The following PRDM2 variants were observed in gnomAD, a reference collection of about 807,000 sequenced individuals.
PRDM2 encodes the protein PR domain zinc finger protein 2.
Under a neutral mutation model 130.0 loss-of-function variants are expected in PRDM2, and 30 were observed. That is an observed-to-expected ratio of 0.23 (90% CI 0.17 to 0.31). The LOEUF is 0.31. Ranked by LOEUF, PRDM2 falls within the 10% of genes least tolerant of loss-of-function variation. The probability of loss-of-function intolerance (pLI) is 1.00; values close to 1 mark genes in which losing one functional copy is unlikely to be tolerated. For missense variants in PRDM2, 2,011 were observed against 2,108.4 expected, an observed-to-expected ratio of 0.95 and a Z score of 0.90; for synonymous variants, 871 against 782.4, an observed-to-expected ratio of 1.11 and a Z score of -1.89.
intron 6 of PRDM2, among the ~76,000 whole-genome samples, chr1:13,752,587 G>T (rs186137476): frequency 6.6e-6 from 1 of 152,308 alleles, no homozygotes; most frequent in Admixed American, 6.5e-5. Flanking sequence ...ATGAGAAATT[G>T]AATTTGCTTG....
At chr1:13,788,798 A>G (rs1644792372) in intron 8 of PRDM2, among the ~76,000 whole-genome samples, 1 of 152,204 alleles carries the variant, frequency 6.6e-6, no homozygotes, top group Admixed American at 6.5e-5. Flanking sequence ...TTTCCATCCT[A>G]ACCCATCTGC....
intron 9 of PRDM2, among the ~76,000 whole-genome samples, chr1:13,820,366 G>A (rs958139986): frequency 9.9e-5 from 15 of 152,196 alleles, no homozygotes; most frequent in African/African-American, 3.4e-4. Flanking sequence ...ACCAGCCTCT[G>A]TGGCACCCTC....
chr1:13,709,087 T>C (rs1033183872), intron 1 of PRDM2, among the ~76,000 whole-genome samples: 1 of 152,186 alleles, frequency 6.6e-6, no homozygotes, highest in Non-Finnish European at 1.5e-5. Flanking sequence ...TCAATATCTG[T>C]GCTTTTGTTT....
rs572886786 is a variant in PRDM2 at position 13,812,936 on chromosome 1, G to A, written c.5037-3491G>A. Among the ~76,000 whole-genome samples the A allele has an allele frequency of 2.4e-4, 36 of 152,162 alleles. 1 individual carries two copies. Among genetic ancestry groups the A allele is most frequent in the Non-Finnish European group, 4.3e-4 (29 of 68,028 alleles). Reference sequence around the variant, plus strand: ...TTACAGAGGGGGAAACCGAGGCTCCGAGGCCGAGCGACAGGGAGTGGCTTA... The same window carrying A: ...TTACAGAGGGGGAAACCGAGGCTCCAAGGCCGAGCGACAGGGAGTGGCTTA... On this transcript the variant is annotated intron_variant, in intron 8 of 9. Transcript: ENST00000311066.
chr1:13,760,791 T>A lies in PRDM2; in HGVS notation c.511+11304T>A, dbSNP rs536766558. 2.6e-5 allele frequency among the ~76,000 whole-genome samples: 4 copies of A among 151,996 alleles called. No homozygotes were observed. In the East Asian group the frequency reaches 7.7e-4, roughly 29 times the overall value. On this transcript the variant is annotated intron_variant, in intron 6 of 9. Transcript: ENST00000311066. ...CAACCTTTGGTTCATCCCATTGTAATGGTGGGCACCAGCAAAATACATTCT... is the reference window on the plus strand; with the variant it reads ...CAACCTTTGGTTCATCCCATTGTAAAGGTGGGCACCAGCAAAATACATTCT...
At chr1:13,769,578 G>T (rs184873262) in intron 6 of PRDM2, among the ~76,000 whole-genome samples, 9 of 152,286 alleles carry the variant, frequency 5.9e-5, no homozygotes, top group South Asian at 2.1e-4. Flanking sequence ...ACGATGAGAC[G>T]TAACTTAACT....
chr1:13,747,290 A>G (rs1292989549), intron 5 of PRDM2, among the ~76,000 whole-genome samples: 1 of 152,242 alleles, frequency 6.6e-6, no homozygotes, highest in African/African-American at 2.4e-5. Flanking sequence ...GTCATTTCAA[A>G]TATTAGTTGA....
chr1:13,780,669 C>A lies in PRDM2; in HGVS notation c.2874C>A (p.Ser958=). ...CCCTGCAGACACCCTCCCTTTCATC[C>A]GGTCAGCTGCCTCCTCTCTTGATCC... ...SPALQTPSLS[S]GQLPPLLIPT... The change falls in exon 8 of 10, where the codon TCC becomes TCA. Residue 958 remains serine (S), a synonymous_variant. Transcript: ENST00000311066. 6.2e-7 allele frequency: 1 copy of A among 1,611,158 alleles called. No homozygotes were observed. The highest frequency in any genetic ancestry group is 8.5e-7 in the Non-Finnish European group (1 of 1,178,328).
In PRDM2 at chr1:13,780,248, T is replaced by C. The variant is rs1181651600; in HGVS notation, c.2453T>C (p.Val818Ala). Residue 818 changes from valine (V) to alanine (A), a missense_variant, in exon 8 of 10, where the codon GTG becomes GCG. This residue lies in a region of PRDM2 where 1,288 missense variants were observed against 1,237.7 expected (regional missense o/e 1.04). Coordinates refer to ENST00000311066, the MANE Select transcript of PRDM2 (RefSeq NM_001393986.1). Reference protein sequence around the residue: ...EWTASSAFSSVCNQQPLDLSS... With the variant: ...EWTASSAFSSACNQQPLDLSS... ...ACAGCTAGTTCTGCTTTTAGCAGTG[T>C]GTGCAACCAGCAGCCACTGGATTTA... 6.2e-7 allele frequency: 1 copy of C among 1,613,588 alleles called. No individual in the cohort carries two copies. Among genetic ancestry groups the C allele is most frequent in the Admixed American group, 1.7e-5 (1 of 59,960 alleles).
intron 5 of PRDM2, among the ~76,000 whole-genome samples, chr1:13,743,571 A>G (rs1449447899): frequency 2.0e-5 from 3 of 152,192 alleles, no homozygotes; most frequent in African/African-American, 7.2e-5. Context: ...TAAAAATGTC[A>G]TAGGTTGGAG....
At position 13,781,982 on chromosome 1, in the gene PRDM2, G is replaced by T. The variant is rs769450279; in HGVS notation, c.4187G>T (p.Arg1396Leu). The T allele has an allele frequency of 1.2e-6, 2 of 1,614,168 alleles. No individual in the cohort carries two copies. Among genetic ancestry groups the T allele is most frequent in the South Asian group, 1.1e-5 (1 of 91,076 alleles). Residue 1396 changes from arginine (R) to leucine (L), a missense_variant, in exon 8 of 10, where the codon CGA becomes CTA. Transcript: ENST00000311066. This position sits in a 1 kb window ranked among gnomAD's most constrained non-coding sequence, Gnocchi z 6.1. Reference sequence around the variant, plus strand: ...AACTCTGGGAAAAATGCCTTCCGACGAATGGGACAGCCCAAAAGGCTTAAC... The same window carrying T: ...AACTCTGGGAAAAATGCCTTCCGACTAATGGGACAGCCCAAAAGGCTTAAC... ...LDNSGKNAFR[R>L]MGQPKRLNFS... is the part of the protein sequence containing the mutation.
intron 6 of PRDM2, among the ~76,000 whole-genome samples, chr1:13,753,361 A>C (rs1378132894): frequency 6.6e-6 from 1 of 152,254 alleles, no homozygotes; most frequent in Non-Finnish European, 1.5e-5. Flanking sequence ...GTGCCTGAGA[A>C]TATCAGCTAT....
chr1:13,771,811 G>A lies in PRDM2; in HGVS notation c.512-1267G>A, dbSNP rs1644366820. 2 of 152,180 alleles carry A rather than the reference G, an allele frequency of 1.3e-5. No individual in the cohort carries two copies. The highest frequency in any genetic ancestry group is 2.9e-5 in the Non-Finnish European group (2 of 68,036). The allele number at this position is 152,180 out of a possible 1,614,324, so 9.4% of individuals were successfully genotyped here. A position where few individuals can be genotyped will look rare whatever the true frequency, so the allele number is the denominator to read the frequency against. On this transcript the variant is annotated intron_variant, in intron 6 of 9. Coordinates refer to ENST00000311066, the MANE Select transcript of PRDM2 (RefSeq NM_001393986.1). This position sits in a 1 kb window ranked among gnomAD's most constrained non-coding sequence, Gnocchi z 4.1. Reference sequence around the variant, plus strand: ...ACTAACAAGCAAAATGACTGTTAAGGTTATGTCTCAAATTTTTGTCAAAAT... The same window carrying A: ...ACTAACAAGCAAAATGACTGTTAAGATTATGTCTCAAATTTTTGTCAAAAT...
At chr1:13,812,603 TG>T (rs1645191723) in intron 8 of PRDM2, among the ~76,000 whole-genome samples, 1 of 152,142 alleles carries the variant, frequency 6.6e-6, no homozygotes, top group Non-Finnish European at 1.5e-5. Flanking sequence ...TAAAGTGAGA[TG>T]CTCATTAGAC....
At position 13,823,287 on chromosome 1, in the gene PRDM2, G is replaced by A. The variant is rs571416140; in HGVS notation, c.*152G>A. 9.5e-5 allele frequency: 125 copies of A among 1,320,870 alleles called. No individual in the cohort carries two copies. The highest frequency in any genetic ancestry group is 5.3e-4 in the East Asian group (22 of 41,126). 81.8% of individuals were successfully genotyped at this position (1,320,870 alleles called of 1,614,324 possible). A position where few individuals can be genotyped will look rare whatever the true frequency, so the allele number is the denominator to read the frequency against. On this transcript the variant is annotated 3_prime_UTR_variant, in exon 10 of 10. Transcript: ENST00000311066. Reference sequence around the variant, plus strand: ...TGCATGTGCGCGCGTGCATGTGTGCGTGCGTGTGTGTTCACGTGTTCTCGT... The same window carrying A: ...TGCATGTGCGCGCGTGCATGTGTGCATGCGTGTGTGTTCACGTGTTCTCGT...
chr1:13,759,241 C>A (rs1356477678), intron 6 of PRDM2, among the ~76,000 whole-genome samples: 2 of 150,522 alleles, frequency 1.3e-5, no homozygotes, highest in Non-Finnish European at 2.9e-5. Flanking sequence ...CCTCTTGGGG[C>A]AGTCTTTTGT....
Position 13,779,116 on chromosome 1 carries a change from G to C in PRDM2, c.1321G>C (p.Ala441Pro). The change falls in exon 8 of 10, where the codon GCT becomes CCT. Residue 441 changes from alanine to proline, a missense_variant. By Grantham distance (27) the Ala-to-Pro change is conservative. Transcript: ENST00000311066. The surrounding 1 kb of genome is among the most constrained non-coding windows in gnomAD (Gnocchi z 4.9). ...ADGKASGENV[A>P]SKDDSSPPSL... Reference sequence around the variant, plus strand: ...TGGCAAAGCATCTGGAGAAAACGTTGCTTCAAAAGATGATTCGAGTCCTCC... The same window carrying C: ...TGGCAAAGCATCTGGAGAAAACGTTCCTTCAAAAGATGATTCGAGTCCTCC... The C allele has an allele frequency of 6.2e-7, 1 of 1,614,204 alleles. No individual in the cohort carries two copies. The highest frequency in any genetic ancestry group is 8.5e-7 in the Non-Finnish European group (1 of 1,180,044).
At chr1:13,722,936 C>A (rs1642780763) in intron 2 of PRDM2, 1 of 464,206 alleles carries the variant, frequency 2.2e-6, no homozygotes. Flanking sequence ...AAAGCCTCAC[C>A]CCATCTCGTC....
intron 6 of PRDM2, among the ~76,000 whole-genome samples, chr1:13,750,332 G>A (rs1454530253): frequency 1.3e-5 from 2 of 151,774 alleles, no homozygotes; most frequent in African/African-American, 4.8e-5. Context: ...ATATGCCAAG[G>A]CACAGTATGG....
Sources: allele counts gnomAD v4.1 joint callset (sites outside exome capture counted in the v4.1 genomes callset), GRCh38; gene constraint gnomAD v4.1.1; regional missense constraint gnomAD v4.1.1; non-coding constraint Gnocchi (gnomAD v3.1); transcripts MANE v1.5; gene names NCBI Gene and HGNC (gene_info 2026-07-23, HGNC 2026-07-21).